Variants in CSMD1 observed in about 807,000 individuals in gnomAD.
CSMD1 encodes CUB and Sushi multiple domains 1, also known as CUB and sushi domain-containing protein 1.
A neutral mutation model predicts 417.5 loss-of-function variants in CSMD1; 213 were observed. The observed-to-expected ratio is 0.51, with a 90% CI of 0.46 to 0.57. The LOEUF is 0.57. CSMD1 is among the 20% of genes least tolerant of loss of function. The pLI, the probability that CSMD1 is intolerant of heterozygous loss-of-function variation, is 0.00. For missense variants in CSMD1, 6,923 were observed against 4,529.7 expected, an observed-to-expected ratio of 1.53 and a Z score of -15.17; for synonymous variants, 2,862 against 1,736.8, an observed-to-expected ratio of 1.65 and a Z score of -16.11.
chr8:4,063,843 G>C (rs988217933), intron 3 of CSMD1, among the ~76,000 whole-genome samples: 1 of 152,242 alleles, frequency 6.6e-6, no homozygotes. Context: ...GGAACCAGGA[G>C]TAGACTATGA....
chr8:4,724,387 C>G (rs563881121), intron 1 of CSMD1, among the ~76,000 whole-genome samples: 7 of 151,776 alleles, frequency 4.6e-5, no homozygotes, highest in Non-Finnish European at 1.0e-4. Context: ...TTCTTATAAC[C>G]CATGTGGCAT....
intron 23 of CSMD1, among the ~76,000 whole-genome samples, chr8:3,312,028 A>G (rs1277159113): frequency 1.3e-5 from 2 of 152,216 alleles, no homozygotes; most frequent in Non-Finnish European, 2.9e-5. Context: ...TTAGTTTAAG[A>G]AGAAACATTT....
At chr8:4,416,568 G>C (rs1276938078) in intron 3 of CSMD1, among the ~76,000 whole-genome samples, 1 of 151,928 alleles carries the variant, frequency 6.6e-6, no homozygotes. Flanking sequence ...TTTAGCTTAC[G>C]TTTTTACTAA....
In CSMD1 at chr8:4,419,331, A is replaced by G. The variant is rs374859910; in HGVS notation, c.415+622T>C. 2.6e-4 allele frequency among the ~76,000 whole-genome samples: 40 copies of G among 152,300 alleles called. No homozygotes were observed. In the Middle Eastern group the frequency reaches 0.014, roughly 52 times the overall value. On this transcript the variant is annotated intron_variant, in intron 3 of 69. Transcript: ENST00000635120. The stretch of plus-strand genomic sequence containing the variant: ...TAACTAGTTCAATTTCTTAAAACCT[A>G]ATACTTGAAATGATAATTTCCTTTT...
rs577102823 is a variant in CSMD1 at position 2,980,431 on chromosome 8, TTCC to T, written c.8378-1634_8378-1632del. On this transcript the variant is annotated intron_variant, in intron 54 of 69. Transcript: ENST00000635120. ...TCCTTGTCCTCTCCTCCTCCTTTTCTTCCTCCTCCTCCTCTTCTTCCATCCCTC... is the reference window on the plus strand; with the variant it reads ...TCCTTGTCCTCTCCTCCTCCTTTTCTTCCTCCTCCTCTTCTTCCATCCCTC... Among the ~76,000 whole-genome samples the T allele has an allele frequency of 5.7e-3, 872 of 151,736 alleles. 13 individuals carry two copies. The highest frequency in any genetic ancestry group is 0.018 in the African/African-American group (724 of 41,368).
intron 26 of CSMD1, among the ~76,000 whole-genome samples, chr8:3,242,394 G>T (rs1188170915): frequency 1.3e-5 from 2 of 151,820 alleles, no homozygotes; most frequent in East Asian, 2.0e-4. Flanking sequence ...AAAGAAGGAA[G>T]ATTTGGGATG....
At chr8:4,146,135 A>AC (rs202223136) in intron 3 of CSMD1, among the ~76,000 whole-genome samples, 1,541 of 151,074 alleles carry the variant, frequency 0.01, 15 homozygotes, top group Non-Finnish European at 0.015. Flanking sequence ...TTCAGAGCCT[A>AC]CATATGATGG....
At chr8:3,310,822 A>C (rs958095970) in intron 23 of CSMD1, among the ~76,000 whole-genome samples, 11 of 82,180 alleles carry the variant, frequency 1.3e-4, no homozygotes, top group African/African-American at 3.4e-4. Flanking sequence ...TATCCACCTT[A>C]ACAAACCACA....
At chr8:3,764,653 C>A (rs563066647) in intron 5 of CSMD1, among the ~76,000 whole-genome samples, 1 of 151,966 alleles carries the variant, frequency 6.6e-6, no homozygotes, top group East Asian at 1.9e-4. Context: ...TCTGGCTAGA[C>A]AGGGGCTGGG....
intron 3 of CSMD1, among the ~76,000 whole-genome samples, chr8:4,091,351 T>A (rs532430992): frequency 2.0e-5 from 3 of 152,206 alleles, no homozygotes; most frequent in African/African-American, 4.8e-5. Context: ...ATCATTGAAT[T>A]TGAAATGTCC....
intron 52 of CSMD1, among the ~76,000 whole-genome samples, chr8:3,015,800 G>C (rs899561780): frequency 5.9e-5 from 9 of 152,148 alleles, no homozygotes; most frequent in Non-Finnish European, 1.2e-4. Flanking sequence ...CAAATAACAA[G>C]TTAAGAGATG....
At chr8:4,967,609 C>T (rs186341730) in intron 1 of CSMD1, among the ~76,000 whole-genome samples, 22 of 152,194 alleles carry the variant, frequency 1.4e-4, no homozygotes, top group Non-Finnish European at 2.1e-4. Flanking sequence ...GTAACAGTAC[C>T]TATACTTCGG....
intron 1 of CSMD1, among the ~76,000 whole-genome samples, chr8:4,827,558 CTTTG>C (rs1799906987): frequency 6.6e-6 from 1 of 152,118 alleles, no homozygotes; most frequent in South Asian, 2.1e-4. Flanking sequence ...TCAAACAAGG[CTTTG>C]TTTATCAATG....
At chr8:4,334,260 A>C (rs1160854079) in intron 3 of CSMD1, among the ~76,000 whole-genome samples, 1 of 152,132 alleles carries the variant, frequency 6.6e-6, no homozygotes, top group Non-Finnish European at 1.5e-5. Flanking sequence ...TAAGGTGCTT[A>C]AAAGTATGCC....
Position 4,689,116 on chromosome 8 carries a change from G to A in CSMD1, c.86-51558C>T, listed in dbSNP as rs1000045562. ...GATAAATTTGTTCTCAACCCAACAG[G>A]TAACTTAGTGATCATATAATGCCTG... is the stretch of plus-strand genomic sequence containing the variant. On this transcript the variant is annotated intron_variant, in intron 1 of 69. Transcript: ENST00000635120. Among the ~76,000 whole-genome samples the A allele has an allele frequency of 2.6e-5, 4 of 152,136 alleles. No individual in the cohort carries two copies. The East Asian group carries it at 7.7e-4, about 29-fold the overall frequency.
intron 46 of CSMD1, among the ~76,000 whole-genome samples, 198 bp from the exon 47 acceptor site, chr8:3,097,235 G>A (rs1340472870): frequency 6.6e-6 from 1 of 152,088 alleles, no homozygotes; most frequent in Non-Finnish European, 1.5e-5. Flanking sequence ...CTTTCTCTTT[G>A]CAGTTCTCTA....
At chr8:4,461,497 C>T (rs368160324) in intron 2 of CSMD1, among the ~76,000 whole-genome samples, 2 of 138,676 alleles carry the variant, frequency 1.4e-5, no homozygotes, top group African/African-American at 5.5e-5. Flanking sequence ...AGAACATCTC[C>T]AGCAAGGTTA....
intron 2 of CSMD1, among the ~76,000 whole-genome samples, chr8:4,562,920 TA>T (rs1171849779): frequency 6.6e-6 from 1 of 152,078 alleles, no homozygotes; most frequent in African/African-American, 2.4e-5. Context: ...AATGTATATA[TA>T]AAAAAATTAA....
chr8:4,319,946 G>C (rs1223599283), intron 3 of CSMD1, among the ~76,000 whole-genome samples: 2 of 152,178 alleles, frequency 1.3e-5, no homozygotes, highest in East Asian at 1.9e-4. Context: ...CTTGCACAAG[G>C]CCAATGTTTG....
Sources: allele counts gnomAD v4.1 joint callset (sites outside exome capture counted in the v4.1 genomes callset), GRCh38; gene constraint gnomAD v4.1.1; transcripts MANE v1.5; gene names NCBI Gene and HGNC (gene_info 2026-07-23, HGNC 2026-07-21).